The following RPS6KA2 variants were observed in gnomAD, a reference collection of about 807,000 sequenced individuals.
RPS6KA2 encodes the protein ribosomal protein S6 kinase A2.
Under a neutral mutation model 91.8 loss-of-function variants are expected in RPS6KA2, and 42 were observed. The observed-to-expected ratio is 0.46, with a 90% CI of 0.36 to 0.59. RPS6KA2 has a LOEUF of 0.59. Ranked by LOEUF, RPS6KA2 falls within the 20% of genes least tolerant of loss-of-function variation. The probability of loss-of-function intolerance (pLI) is 0.00; values close to 1 mark genes in which losing one functional copy is unlikely to be tolerated. For missense variants in RPS6KA2, 798 were observed against 978.5 expected, an observed-to-expected ratio of 0.82 and a Z score of 2.46; for synonymous variants, 414 against 393.6, an observed-to-expected ratio of 1.05 and a Z score of -0.61.
intron 2 of RPS6KA2, among the ~76,000 whole-genome samples, chr6:166,801,554 C>T (rs895210167): frequency 7.2e-5 from 11 of 152,074 alleles, no homozygotes; most frequent in African/African-American, 2.7e-4. Context: ...GCTGTGTTGC[C>T]CAGGCTGGTC....
chr6:166,591,076 T>C (rs1034794613), intron 1 of RPS6KA2, among the ~76,000 whole-genome samples: 1 of 152,238 alleles, frequency 6.6e-6, no homozygotes, highest in Non-Finnish European at 1.5e-5. Context: ...TGCCAGAAGA[T>C]GCCAGAGAGC....
At chr6:166,744,858 T>A (rs1010284441) in intron 2 of RPS6KA2, among the ~76,000 whole-genome samples, 1 of 152,126 alleles carries the variant, frequency 6.6e-6, no homozygotes, top group Non-Finnish European at 1.5e-5. Context: ...TTCCTAAAGC[T>A]TAGGGGGCCT....
chr6:166,853,783 G>A (rs1170591524), intron 2 of RPS6KA2, among the ~76,000 whole-genome samples: 1 of 152,250 alleles, frequency 6.6e-6, no homozygotes, highest in Non-Finnish European at 1.5e-5. Context: ...CAGTCCCCAG[G>A]GGAGCCACGA....
At chr6:166,787,457 T>A (rs1205928667) in intron 2 of RPS6KA2, among the ~76,000 whole-genome samples, 2 of 152,084 alleles carry the variant, frequency 1.3e-5, no homozygotes, top group East Asian at 3.8e-4. Context: ...GATAAAAATA[T>A]AAGTCTGGCT....
chr6:166,592,359 G>C (rs539184421), intron 1 of RPS6KA2, among the ~76,000 whole-genome samples: 12 of 152,188 alleles, frequency 7.9e-5, no homozygotes. Context: ...TGACAAGCCC[G>C]GCCTGTCCTC....
At chr6:166,762,672 T>C (rs931119994) in intron 2 of RPS6KA2, among the ~76,000 whole-genome samples, 1 of 152,050 alleles carries the variant, frequency 6.6e-6, no homozygotes, top group Non-Finnish European at 1.5e-5. Context: ...AGTTCACAGG[T>C]AAATAAATCA....
intron 1 of RPS6KA2, among the ~76,000 whole-genome samples, chr6:166,543,741 A>C (rs1309461315): frequency 6.6e-6 from 1 of 152,142 alleles, no homozygotes; most frequent in Non-Finnish European, 1.5e-5. Context: ...CAACTCTCAA[A>C]TCTCAATCTC....
At chr6:166,835,346 G>A (rs1188794455) in intron 2 of RPS6KA2, among the ~76,000 whole-genome samples, 1 of 152,196 alleles carries the variant, frequency 6.6e-6, no homozygotes, top group East Asian at 1.9e-4. Flanking sequence ...GATTGGTGTT[G>A]CATTGGATTC....
chr6:166,480,327 C>T (rs1241054759), intron 10 of RPS6KA2, among the ~76,000 whole-genome samples: 3 of 151,542 alleles, frequency 2.0e-5, no homozygotes, highest in Admixed American at 6.6e-5. Flanking sequence ...CTGGCTGATT[C>T]GAAAGCACAA....
At chr6:166,661,131 C>T (rs1355215883) in intron 2 of RPS6KA2, among the ~76,000 whole-genome samples, 2 of 131,564 alleles carry the variant, frequency 1.5e-5, no homozygotes, top group Non-Finnish European at 3.3e-5. Context: ...GACAGGCTCT[C>T]GCTCTGTCGC....
intron 2 of RPS6KA2, among the ~76,000 whole-genome samples, chr6:166,647,965 TACATACAC>T (rs1184437792): frequency 1.7e-5 from 1 of 60,034 alleles, no homozygotes; most frequent in African/African-American, 7.0e-5. Context: ...CATGCTTACA[TACATACAC>T]ACATGCTCAC....
rs917100146 is a variant in RPS6KA2, at chr6:166,493,454, T to C, written c.748-2713A>G. On this transcript the variant is annotated intron_variant, in intron 8 of 20. Transcript: ENST00000265678. The surrounding 1 kb of genome is among the most constrained non-coding windows in gnomAD (Gnocchi z 4.7). ...ACGTTATTTACAGTAAGACTTTTGC[T>C]GTGTTGCTGAGCAGCACTGAGACTT... 7.9e-5 allele frequency among the ~76,000 whole-genome samples: 12 copies of C among 152,198 alleles called. No homozygotes were observed. Among genetic ancestry groups the C allele is most frequent in the African/African-American group, 2.7e-4 (11 of 41,438 alleles).
Position 166,679,020 on chromosome 6 carries a change from T to C in RPS6KA2, c.124-140236A>G, listed in dbSNP as rs576478425. Among the ~76,000 whole-genome samples the C allele has an allele frequency of 3.9e-5, 6 of 152,338 alleles. No individual in the cohort carries two copies. In the South Asian group the frequency reaches 1.2e-3, roughly 32 times the overall value. On this transcript the variant is annotated intron_variant, in intron 2 of 21. Transcript: ENST00000503859. ...TTGTTTACAAGTAATATTAATTCTA[T>C]AGGATTTAGTTCACGTTACAAAACC...
In RPS6KA2 at chr6:166,648,120, G is replaced by A. The variant is rs941895199; in HGVS notation, c.124-109336C>T. ...CTCATACACACACGTGCACACACAC[G>A]CTCATACACATACATGCACACACGC... is the stretch of plus-strand genomic sequence containing the variant. On this transcript the variant is annotated intron_variant, in intron 2 of 21. Transcript: ENST00000503859. This position sits in a 1 kb window ranked among gnomAD's most constrained non-coding sequence, Gnocchi z 4.8. Among the ~76,000 whole-genome samples the A allele has an allele frequency of 2.3e-5, 3 of 129,726 alleles. No homozygotes were observed. The highest frequency in any genetic ancestry group is 3.2e-5 in the Non-Finnish European group (2 of 62,198). The allele number at this position is 129,726 out of a possible 152,430, so 85.1% of individuals were successfully genotyped here. A position where few individuals can be genotyped will look rare whatever the true frequency, so the allele number is the denominator to read the frequency against.
intron 5 of RPS6KA2, among the ~76,000 whole-genome samples, chr6:166,505,617 G>A (rs1782182904): frequency 6.6e-6 from 1 of 152,240 alleles, no homozygotes; most frequent in Admixed American, 6.5e-5. Context: ...TAGAAGGGCA[G>A]CCAGGGGACC....
At chr6:166,511,460 A>C (rs1292474040) in intron 3 of RPS6KA2, among the ~76,000 whole-genome samples, 2 of 152,192 alleles carry the variant, frequency 1.3e-5, no homozygotes. Context: ...CTTAGTGCTC[A>C]CACTATCTCA....
chr6:166,730,437 T>G (rs2128588628), intron 2 of RPS6KA2, among the ~76,000 whole-genome samples: 1 of 152,358 alleles, frequency 6.6e-6, no homozygotes. Flanking sequence ...ATGTGGATGT[T>G]ATTGTGAATA....
chr6:166,760,731 T>C (rs1778144452), intron 2 of RPS6KA2, among the ~76,000 whole-genome samples: 2 of 152,256 alleles, frequency 1.3e-5, no homozygotes, highest in South Asian at 2.1e-4. Flanking sequence ...GGATACTGAG[T>C]TGGGGAAAGA....
intron 16 of RPS6KA2, among the ~76,000 whole-genome samples, chr6:166,427,713 G>A (rs1206669973): frequency 6.6e-6 from 1 of 152,144 alleles, no homozygotes; most frequent in Non-Finnish European, 1.5e-5. Context: ...TTGCTTCAAA[G>A]AGAATAAAAT....
Sources: allele counts gnomAD v4.1 joint callset (sites outside exome capture counted in the v4.1 genomes callset), GRCh38; gene constraint gnomAD v4.1.1; non-coding constraint Gnocchi (gnomAD v3.1); transcripts MANE v1.5; gene names NCBI Gene and HGNC (gene_info 2026-07-23, HGNC 2026-07-21).